The following TOP3A variants were observed in gnomAD, a reference collection of about 807,000 sequenced individuals.
TOP3A encodes DNA topoisomerase 3-alpha.
TOP3A carries 64 observed loss-of-function variants against 111.3 expected under a neutral mutation model. The observed-to-expected ratio is 0.57, with a 90% CI of 0.47 to 0.71. The LOEUF (loss-of-function observed/expected upper bound fraction) is 0.71, where lower values mean the gene tolerates loss of function less well. TOP3A is among the 30% of genes least tolerant of loss of function. The pLI is 0.00. For missense variants in TOP3A, 1,104 were observed against 1,285.0 expected, an observed-to-expected ratio of 0.86 and a Z score of 2.15; for synonymous variants, 484 against 485.1, an observed-to-expected ratio of 1.00 and a Z score of 0.03.
chr17:18,307,325 G>A (rs1466280230), intron 3 of TOP3A: 2 of 167,880 alleles, frequency 1.2e-5, no homozygotes, highest in Non-Finnish European at 2.6e-5. Flanking sequence ...ACTGCTGGGC[G>A]TGGTAGCTCA....
chr17:18,272,265 A>G lies in TOP3A; in HGVS notation c.*2537T>C, dbSNP rs1339213905. 6.6e-6 allele frequency among the ~76,000 whole-genome samples: 1 copy of G among 152,172 alleles called. No homozygotes were observed. Among genetic ancestry groups the G allele is most frequent in the Non-Finnish European group, 1.5e-5 (1 of 68,026 alleles). On this transcript the variant is annotated 3_prime_UTR_variant, in exon 19 of 19. Transcript: ENST00000321105. Reference sequence around the variant, plus strand: ...CAAAACACTAGGATGGCTATAATACAAGAAAAGGAAAGGAACAAGTGTTCA... The same window carrying G: ...CAAAACACTAGGATGGCTATAATACGAGAAAAGGAAAGGAACAAGTGTTCA...
At chr17:18,289,174 AGCTAATTT>A (rs1351413484) in intron 13 of TOP3A, among the ~76,000 whole-genome samples, 11 of 152,202 alleles carry the variant, frequency 7.2e-5, no homozygotes, top group African/African-American at 2.6e-4. Context: ...CACCACGCCT[AGCTAATTT>A]TTGTATTTTT....
At chr17:18,288,461 ATAT>A (rs914571026) in intron 13 of TOP3A, among the ~76,000 whole-genome samples, 7 of 150,024 alleles carry the variant, frequency 4.7e-5, no homozygotes, top group African/African-American at 7.3e-5. Flanking sequence ...TCTTTTAAAA[ATAT>A]TATTATTATT....
rs1202525558 is a variant in TOP3A, at chr17:18,273,818, C to G, written c.*984G>C. 2 of 152,198 alleles carry G rather than the reference C, an allele frequency of 1.3e-5. No homozygotes were observed. The highest frequency in any genetic ancestry group is 2.9e-5 in the Non-Finnish European group (2 of 68,090). 9.4% of individuals were successfully genotyped at this position (152,198 alleles called of 1,614,324 possible). ...ATATTTTTAAAAATAGAGACAAGGT[C>G]TAACTATGTTGCCCAGGCTGGTCTT... is the stretch of plus-strand genomic sequence containing the variant. On this transcript the variant is annotated 3_prime_UTR_variant, in exon 19 of 19. Coordinates refer to ENST00000321105, the MANE Select transcript of TOP3A (RefSeq NM_004618.5).
chr17:18,308,675 T>C, intron 2 of TOP3A: 1 of 488,390 alleles, frequency 2.0e-6, no homozygotes, highest in Non-Finnish European at 3.6e-6. Flanking sequence ...ATTAGCTTTT[T>C]TTTTTTGTAA....
At chr17:18,275,033 C>A in intron 18 of TOP3A, 53 bp from the exon 19 acceptor site, 1 of 1,582,852 alleles carries the variant, frequency 6.3e-7, no homozygotes. Flanking sequence ...GCAGAAGTGG[C>A]AAGTCCTGAA....
At chr17:18,299,526 C>T (rs776615357) in intron 9 of TOP3A, 33 bp downstream of exon 9, 2 of 1,602,992 alleles carry the variant, frequency 1.2e-6, no homozygotes, top group East Asian at 4.5e-5. Context: ...TAAGTGTTCC[C>T]CGAGTGCCTG....
At position 18,278,013 on chromosome 17, in the gene TOP3A, T is replaced by G; in HGVS notation, c.2489A>C (p.Asn830Thr). Residue 830 changes from asparagine (N) to threonine (T), a missense_variant, in exon 18 of 19, where the codon AAC becomes ACC. Physicochemically the swap from Asn to Thr is moderately conservative, Grantham distance 65. Transcript: ENST00000321105. ...VLLTVRKEGP[N>T]RGRQFFKCNG... ...GCACTTAAAGAACTGCCGGCCCCGG[T>G]TGGGGCCCTCCTTACGGACAGTGAG... 8 of 1,614,134 alleles carry G rather than the reference T, an allele frequency of 5.0e-6. No homozygotes were observed. The highest frequency in any genetic ancestry group is 5.9e-6 in the Non-Finnish European group (7 of 1,180,038).
At chr17:18,287,825 T>C (rs908736715) in intron 13 of TOP3A, among the ~76,000 whole-genome samples, 1 of 151,806 alleles carries the variant, frequency 6.6e-6, no homozygotes, top group Non-Finnish European at 1.5e-5. Flanking sequence ...GGTGAAACCC[T>C]GTCTCTACTA....
chr17:18,289,323 T>TTTG (rs376385801), intron 13 of TOP3A, among the ~76,000 whole-genome samples: 17 of 147,834 alleles, frequency 1.1e-4, no homozygotes, highest in East Asian at 7.8e-4. Flanking sequence ...CCAGATCTGT[T>TTTG]TTGTTGTTGT....
At chr17:18,278,480 A>G (rs8071231) in intron 17 of TOP3A, 123 bp from the exon 18 acceptor site, 274,922 of 851,126 alleles carry the variant, frequency 0.32, 49,260 homozygotes, top group African/African-American at 0.6. Context: ...GGAAGCCCAC[A>G]CAAGTCCCCT....
At chr17:18,275,556 G>GA (rs1979304045) in intron 18 of TOP3A, among the ~76,000 whole-genome samples, 1 of 151,432 alleles carries the variant, frequency 6.6e-6, no homozygotes, top group Non-Finnish European at 1.5e-5. Context: ...GTAGAGACGG[G>GA]TTTCATCATG....
At position 18,282,858 on chromosome 17, in the gene TOP3A, G is replaced by C. The variant is rs1391012547; in HGVS notation, c.1878-17C>G. 6.2e-6 allele frequency: 10 copies of C among 1,613,544 alleles called. No individual in the cohort carries two copies. The highest frequency in any genetic ancestry group is 8.5e-6 in the Non-Finnish European group (10 of 1,179,946). On this transcript the variant is annotated splice_polypyrimidine_tract_variant and intron_variant, in intron 15 of 18. Transcript: ENST00000321105. ...TCGTCCAATCTGAAGAAAAGGCAAA[G>C]ACAGACACCCATCAGCCAGCAATCG... is the stretch of plus-strand genomic sequence containing the variant.
rs570015842 is a variant in TOP3A at position 18,275,306 on chromosome 17, A to G, written c.2828-326T>C. Among the ~76,000 whole-genome samples, 24 of 150,540 alleles carry G rather than the reference A, an allele frequency of 1.6e-4. No homozygotes were observed. The South Asian group carries it at 4.4e-3, about 28-fold the overall frequency. On this transcript the variant is annotated intron_variant, in intron 18 of 18. Coordinates refer to ENST00000321105, the MANE Select transcript of TOP3A (RefSeq NM_004618.5). ...AAGACCCTGTCTCAAAAAAAAAAAA[A>G]AAAAAAAAAAGAGCAGCAGACGATA... is the stretch of plus-strand genomic sequence containing the variant.
Position 18,301,893 on chromosome 17 carries a change from A to G in TOP3A, c.907T>C (p.Cys303Arg). ...HTACLVLYQL[C>R]VEDPMATVVE... ...TCATTAGGGGTTCTTACCTCCACAC[A>G]CAACTGATAGAGAACTAGGCAAGCC... The change falls in exon 8 of 19, where the codon TGT becomes CGT. Residue 303 changes from cysteine to arginine, a missense_variant. Cys to Arg is a radical substitution (Grantham distance 180, BLOSUM62 -3). Transcript: ENST00000321105. 1 of 1,614,048 alleles carries G rather than the reference A, an allele frequency of 6.2e-7. No individual in the cohort carries two copies. The highest frequency in any genetic ancestry group is 1.1e-5 in the South Asian group (1 of 91,082).
In TOP3A at chr17:18,314,631, C is replaced by A. The variant is rs1309272856; in HGVS notation, c.148G>T (p.Ala50Ser). The A allele has an allele frequency of 1.9e-6, 3 of 1,611,828 alleles. No individual in the cohort carries two copies. The highest frequency in any genetic ancestry group is 1.7e-5 in the Admixed American group (1 of 59,780). ...AEKNDAAKGI[A>S]DLLSNGRMRR... Reference sequence around the variant, plus strand: ...ATGCGACCGTTTGACAGCAGGTCGGCGATCCCCTTGGCCGCGTCGTTTTTT... The same window carrying A: ...ATGCGACCGTTTGACAGCAGGTCGGAGATCCCCTTGGCCGCGTCGTTTTTT... The change falls in exon 1 of 19, where the codon GCC becomes TCC. Residue 50 changes from alanine to serine, a missense_variant. By Grantham distance (99) the Ala-to-Ser change is moderately conservative. Transcript: ENST00000321105.
rs996244186 is a variant in TOP3A at position 18,279,296 on chromosome 17, G to A, written c.2145-939C>T. On this transcript the variant is annotated intron_variant, in intron 17 of 18. Coordinates refer to ENST00000321105, the MANE Select transcript of TOP3A (RefSeq NM_004618.5). ...TTTTGAGACAGAGTATCATTCTGTC[G>A]CCCAGGCTGGTGTGCAGTGGTGCAA... Among the ~76,000 whole-genome samples, 17 of 151,798 alleles carry A rather than the reference G, an allele frequency of 1.1e-4. No individual in the cohort carries two copies. The East Asian group carries it at 1.4e-3, about 12-fold the overall frequency.
chr17:18,274,830 G>C lies in TOP3A; in HGVS notation c.2978C>G (p.Thr993Ser), dbSNP rs1293951662. 3.7e-6 allele frequency: 6 copies of C among 1,614,214 alleles called. No homozygotes were observed. The highest frequency in any genetic ancestry group is 2.2e-5 in the East Asian group (1 of 44,886). The change falls in exon 19 of 19, where the codon ACC (threonine) becomes AGC (serine). Residue 993 changes from threonine (T) to serine (S), a missense_variant. Coordinates refer to ENST00000321105, the MANE Select transcript of TOP3A (RefSeq NM_004618.5). ...KCSLCHQPGH[T>S]RPFCPQNR ...TCTGTTCTGAGGACAAAAGGGACGG[G>C]TGTGTCCAGGCTGGTGGCAAAGGCT... is the stretch of plus-strand genomic sequence containing the variant.
chr17:18,291,202 T>C (rs1047982039), intron 11 of TOP3A, among the ~76,000 whole-genome samples, 175 bp from the exon 12 acceptor site: 2 of 152,184 alleles, frequency 1.3e-5, no homozygotes, highest in African/African-American at 2.4e-5. Context: ...TGGGTTTAGG[T>C]TGACACATCT....
Sources: allele counts gnomAD v4.1 joint callset (sites outside exome capture counted in the v4.1 genomes callset), GRCh38; gene constraint gnomAD v4.1.1; transcripts MANE v1.5; gene names NCBI Gene and HGNC (gene_info 2026-07-23, HGNC 2026-07-21).